The following ZC3H4 variants were observed in gnomAD, a reference collection of about 807,000 sequenced individuals.
ZC3H4 encodes the protein zinc finger CCCH-type containing 4.
ZC3H4 carries 13 observed loss-of-function variants against 108.3 expected under a neutral mutation model. The observed-to-expected ratio is 0.12, with a 90% CI of 0.08 to 0.19. ZC3H4 has a LOEUF of 0.19. Among genes scored for constraint, ZC3H4 ranks in the 10% least tolerant of loss-of-function variants. The probability of loss-of-function intolerance (pLI) is 1.00; values close to 1 mark genes in which losing one functional copy is unlikely to be tolerated. For synonymous variants in ZC3H4, 917 were observed against 749.6 expected (o/e 1.22, Z -3.65); for missense variants, 1,734 against 1,838.8 (o/e 0.94, Z 1.04).
chr19:47,089,179 C>T (rs939022822), intron 5 of ZC3H4, among the ~76,000 whole-genome samples: 1 of 139,786 alleles, frequency 7.2e-6, no homozygotes, highest in African/African-American at 2.7e-5. Context: ...GCACTCCAGC[C>T]TGGCGACAGA....
intron 2 of ZC3H4, among the ~76,000 whole-genome samples, chr19:47,100,392 G>A (rs146144366): frequency 8.9e-4 from 135 of 152,176 alleles, no homozygotes; most frequent in African/African-American, 3.2e-3. Flanking sequence ...ATTCTCAGGT[G>A]TCATCATAGC....
Position 47,076,325 on chromosome 19 carries a change from GCACA to G in ZC3H4, c.1441-3616_1441-3613del, listed in dbSNP as rs10531908. On this transcript the variant is annotated intron_variant, in intron 11 of 14. Coordinates refer to ENST00000253048, the MANE Select transcript of ZC3H4 (RefSeq NM_015168.2). ...AACACATGCACGCGTGCGCGCGCGC[GCACA>G]CACACACACACACACACTCACACTC... Among the ~76,000 whole-genome samples, 694 of 151,012 alleles carry G rather than the reference GCACA, an allele frequency of 4.6e-3. 4 individuals are homozygous for G. The highest frequency in any genetic ancestry group is 0.014 in the African/African-American group (574 of 41,178).
chr19:47,069,435 T>G, intron 13 of ZC3H4, 92 bp from the exon 14 acceptor site: 30 of 1,475,970 alleles, frequency 2.0e-5, no homozygotes, highest in Non-Finnish European at 2.7e-5. Flanking sequence ...CCCACACCGA[T>G]GGCGATGGAG....
intron 2 of ZC3H4, among the ~76,000 whole-genome samples, chr19:47,108,604 G>A (rs374663357): frequency 6.6e-6 from 1 of 152,174 alleles, no homozygotes; most frequent in Non-Finnish European, 1.5e-5. Context: ...GGAAACGCAA[G>A]AGTCAAAACC....
intron 11 of ZC3H4, among the ~76,000 whole-genome samples, chr19:47,078,369 G>A (rs560571352): frequency 8.6e-5 from 13 of 150,796 alleles, no homozygotes; most frequent in African/African-American, 1.2e-4. Flanking sequence ...CTGTAATCCC[G>A]GCACTTTGGG....
chr19:47,091,425 T>G (rs1035696443), intron 4 of ZC3H4, among the ~76,000 whole-genome samples: 1 of 141,718 alleles, frequency 7.1e-6, no homozygotes, highest in Non-Finnish European at 1.5e-5. Flanking sequence ...ACAAAATGAA[T>G]TAGCCGGGCA....
chr19:47,112,357 G>A (rs2058051342), intron 2 of ZC3H4, 67 bp downstream of exon 2: 1 of 1,220,236 alleles, frequency 8.2e-7, no homozygotes, highest in Non-Finnish European at 1.0e-6. Context: ...CATGGCGGCC[G>A]CCCCCCTTCC....
chr19:47,095,426 G>A (rs938122961), intron 2 of ZC3H4, among the ~76,000 whole-genome samples: 10 of 152,300 alleles, frequency 6.6e-5, no homozygotes, highest in African/African-American at 2.2e-4. Flanking sequence ...GAGGGGGGAC[G>A]GATCCCAGGC....
At chr19:47,076,317 G>A (rs111905747) in intron 11 of ZC3H4, among the ~76,000 whole-genome samples, 47 of 70,450 alleles carry the variant, frequency 6.7e-4, no homozygotes, top group East Asian at 3.8e-3. Flanking sequence ...GCACGCGTGC[G>A]CGCGCGCGCA....
rs149574528 is a variant in ZC3H4 at position 47,086,327 on chromosome 19, G to A, written c.870+57C>T. 2.3e-3 allele frequency: 3,740 copies of A among 1,602,512 alleles called. 8 individuals are homozygous for A. The highest frequency in any genetic ancestry group is 2.9e-3 in the Non-Finnish European group (3,388 of 1,175,474). Reference sequence around the variant, plus strand: ...CACAGCCTCTACCAGCAGTGCTCACGCCCCGGAAAGCCCACCAGCCTCACC... The same window carrying A: ...CACAGCCTCTACCAGCAGTGCTCACACCCCGGAAAGCCCACCAGCCTCACC... On this transcript the variant is annotated intron_variant, in intron 6 of 14. Transcript: ENST00000253048.
Position 47,084,576 on chromosome 19 carries a change from C to T in ZC3H4, c.1108-121G>A, listed in dbSNP as rs372995894. On this transcript the variant is annotated intron_variant, in intron 8 of 14. Coordinates refer to ENST00000253048, the MANE Select transcript of ZC3H4 (RefSeq NM_015168.2). ...GTCCCTTCAGATCTCACAAGAGCAC[C>T]GATGGGCAGGCTGCATCTAACACGG... is the stretch of plus-strand genomic sequence containing the variant. 191 of 923,144 alleles carry T rather than the reference C, an allele frequency of 2.1e-4. 1 individual carries two copies. The highest frequency in any genetic ancestry group is 1.1e-3 in the South Asian group (77 of 69,790). 57.2% of individuals were successfully genotyped at this position (923,144 alleles called of 1,614,324 possible).
At chr19:47,094,288 T>C (rs2057786048) in intron 3 of ZC3H4, 101 bp downstream of exon 3, 2 of 1,346,816 alleles carry the variant, frequency 1.5e-6, no homozygotes. Context: ...AGCAAAGGCA[T>C]TAAGAGTGCC....
At chr19:47,090,600 G>A (rs549647927) in intron 4 of ZC3H4, among the ~76,000 whole-genome samples, 2 of 152,316 alleles carry the variant, frequency 1.3e-5, no homozygotes, top group African/African-American at 4.8e-5. Flanking sequence ...AGGCTGGACA[G>A]CCATCTCAAA....
intron 4 of ZC3H4, among the ~76,000 whole-genome samples, chr19:47,090,827 G>A (rs1037518947): frequency 6.6e-5 from 10 of 152,108 alleles, no homozygotes; most frequent in East Asian, 3.9e-4. Flanking sequence ...TATCAATACC[G>A]GCTCATCAAT....
intron 2 of ZC3H4, 91 bp downstream of exon 2, chr19:47,112,333 G>T: frequency 1.7e-6 from 2 of 1,178,456 alleles, no homozygotes; most frequent in Non-Finnish European, 2.1e-6. Flanking sequence ...CTCCTCCTCC[G>T]CGGCCCGGCC....
chr19:47,088,489 A>G (rs1417720151), intron 5 of ZC3H4, among the ~76,000 whole-genome samples: 3 of 151,920 alleles, frequency 2.0e-5, no homozygotes, highest in African/African-American at 7.2e-5. Context: ...CAGAGGTTGC[A>G]GTGAGCCGAG....
chr19:47,091,706 T>G (rs1261050266), intron 4 of ZC3H4, among the ~76,000 whole-genome samples: 1 of 150,612 alleles, frequency 6.6e-6, no homozygotes, highest in Non-Finnish European at 1.5e-5. Flanking sequence ...GCCAACATAG[T>G]GAAACCCCGT....
rs1202452609 is a variant in ZC3H4 at position 47,072,760 on chromosome 19, G to A, written c.1441-47C>T. 1 of 1,605,358 alleles carries A rather than the reference G, an allele frequency of 6.2e-7. No individual in the cohort carries two copies. The highest frequency in any genetic ancestry group is 2.2e-5 in the East Asian group (1 of 44,852). Reference sequence around the variant, plus strand: ...AGAAGGTGTGGACGGGGTCAGGATGGAAACGGACCTCTCCAGGTCTGAGAG... The same window carrying A: ...AGAAGGTGTGGACGGGGTCAGGATGAAAACGGACCTCTCCAGGTCTGAGAG... On this transcript the variant is annotated intron_variant, in intron 11 of 14. Transcript: ENST00000253048. The surrounding 1 kb of genome is among the most constrained non-coding windows in gnomAD (Gnocchi z 5.6).
intron 4 of ZC3H4, among the ~76,000 whole-genome samples, chr19:47,091,966 T>C (rs1158187398): frequency 1.3e-5 from 2 of 151,984 alleles, no homozygotes; most frequent in Non-Finnish European, 2.9e-5. Flanking sequence ...CCCCGCACTT[T>C]GGGAGGCCGA....
Sources: allele counts gnomAD v4.1 joint callset (sites outside exome capture counted in the v4.1 genomes callset), GRCh38; gene constraint gnomAD v4.1.1; non-coding constraint Gnocchi (gnomAD v3.1); transcripts MANE v1.5; gene names NCBI Gene and HGNC (gene_info 2026-07-23, HGNC 2026-07-21).